The following NWD2 variants were observed in gnomAD, a reference collection of about 807,000 sequenced individuals.
NWD2 encodes NACHT and WD repeat domain containing 2, also known as NACHT and WD repeat domain-containing protein 2.
A neutral mutation model predicts 132.7 loss-of-function variants in NWD2; 37 were observed. That is an observed-to-expected ratio of 0.28 (90% CI 0.21 to 0.37). NWD2 has a LOEUF of 0.37. NWD2 is among the 10% of genes least tolerant of loss of function. The probability of loss-of-function intolerance (pLI) is 1.00; values close to 1 mark genes in which losing one functional copy is unlikely to be tolerated. For synonymous variants in NWD2, 705 were observed against 803.0 expected, an observed-to-expected ratio of 0.88 and a Z score of 2.06; for missense variants, 1,592 against 2,122.4, an observed-to-expected ratio of 0.75 and a Z score of 4.91.
chr4:37,443,423 C>T lies in NWD2; in HGVS notation c.1435C>T (p.Arg479Trp), dbSNP rs375358436. ...SVCEQLAVNYRCLVQSYPKKI... is the reference protein window; with the variant it reads ...SVCEQLAVNYWCLVQSYPKKI... ...TTGTGAACAATTGGCAGTTAACTACCGGTGTCTGGTTCAAAGCTACCCTAA... is the reference window on the plus strand; with the variant it reads ...TTGTGAACAATTGGCAGTTAACTACTGGTGTCTGGTTCAAAGCTACCCTAA... Residue 479 changes from arginine (R) to tryptophan (W), a missense_variant, in exon 7 of 7, where the codon CGG (arginine) becomes TGG (tryptophan). Around this residue, in one of 7 missense-constraint regions of NWD2, gnomAD observed 1,071 missense variants for 1,398.0 expected, o/e 0.77. Coordinates refer to ENST00000309447, the MANE Select transcript of NWD2 (RefSeq NM_001144990.2). The surrounding 1 kb of genome is among the most constrained non-coding windows in gnomAD (Gnocchi z 4.1). The T allele has an allele frequency of 8.4e-6, 13 of 1,552,062 alleles. No individual in the cohort carries two copies. Among genetic ancestry groups the T allele is most frequent in the South Asian group, 4.8e-5 (4 of 84,068 alleles).
chr4:37,405,429 T>C (rs1232901797), intron 3 of NWD2, among the ~76,000 whole-genome samples: 1 of 22,166 alleles, frequency 4.5e-5, no homozygotes, highest in Non-Finnish European at 1.1e-4. Flanking sequence ...TGTAATAGAA[T>C]AGAATAGAAT....
chr4:37,299,064 A>G (rs1281406979), intron 1 of NWD2, among the ~76,000 whole-genome samples: 2 of 152,020 alleles, frequency 1.3e-5, no homozygotes, highest in East Asian at 1.9e-4. Flanking sequence ...TTATCACTCA[A>G]TTTCTCTTCA....
At chr4:37,442,771 C>CT (rs1418140548) in intron 6 of NWD2, among the ~76,000 whole-genome samples, 1 of 151,844 alleles carries the variant, frequency 6.6e-6, no homozygotes, top group Non-Finnish European at 1.5e-5. Context: ...ATTTTTATTG[C>CT]TTTCTAATTA....
intron 3 of NWD2, among the ~76,000 whole-genome samples, chr4:37,416,928 A>T (rs1003018267): frequency 1.3e-5 from 2 of 151,622 alleles, no homozygotes; most frequent in Non-Finnish European, 1.5e-5. Context: ...GATACAATGG[A>T]CTTTGGGAAC....
chr4:37,429,467 A>G (rs1275541313), intron 3 of NWD2, among the ~76,000 whole-genome samples: 4 of 152,008 alleles, frequency 2.6e-5, no homozygotes, highest in Non-Finnish European at 5.9e-5. Context: ...GTCACATGCC[A>G]CCATGCCTGG....
intron 1 of NWD2, among the ~76,000 whole-genome samples, chr4:37,277,824 A>G (rs1718052918): frequency 1.3e-5 from 2 of 152,142 alleles, no homozygotes; most frequent in African/African-American, 4.8e-5. Flanking sequence ...ACATATTGTA[A>G]TAGTTCTGTA....
chr4:37,379,969 C>G (rs16993492), intron 3 of NWD2, among the ~76,000 whole-genome samples: 2 of 152,130 alleles, frequency 1.3e-5, no homozygotes, highest in African/African-American at 4.8e-5. Context: ...TGGAAACAAC[C>G]GAAAAGTAAA....
chr4:37,360,590 G>A (rs1218267791), intron 3 of NWD2, among the ~76,000 whole-genome samples: 1 of 152,188 alleles, frequency 6.6e-6, no homozygotes, highest in African/African-American at 2.4e-5. Context: ...TCACAGCTGA[G>A]TAACAAAATC....
At position 37,444,127 on chromosome 4, in the gene NWD2, G is replaced by C. The variant is rs570435418; in HGVS notation, c.2139G>C (p.Glu713Asp). Residue 713 changes from glutamate (E) to aspartate (D), a missense_variant, in exon 7 of 7, where the codon GAG (glutamate) becomes GAC (aspartate). By Grantham distance (45) the Glu-to-Asp change is conservative (BLOSUM62 2). Coordinates refer to ENST00000309447, the MANE Select transcript of NWD2 (RefSeq NM_001144990.2). The surrounding 1 kb of genome is among the most constrained non-coding windows in gnomAD (Gnocchi z 4.8). ...VPYLYIARLK[E>D]GLSGYLIERH... Reference sequence around the variant, plus strand: ...ACTTGTACATTGCAAGGCTCAAGGAGGGTCTCAGTGGATACCTAATAGAAA... The same window carrying C: ...ACTTGTACATTGCAAGGCTCAAGGACGGTCTCAGTGGATACCTAATAGAAA... The C allele has an allele frequency of 5.8e-6, 9 of 1,551,774 alleles. No homozygotes were observed. Among genetic ancestry groups the C allele is most frequent in the Middle Eastern group, 1.7e-4 (1 of 5,996 alleles).
rs764442079 is a variant in NWD2 at position 37,446,996 on chromosome 4, A to G, written c.5008A>G (p.Thr1670Ala). The change falls in exon 7 of 7, where the codon ACA becomes GCA. Residue 1670 changes from threonine (T) to alanine (A), a missense_variant. Thr to Ala is a moderately conservative substitution (Grantham distance 58, BLOSUM62 0). Transcript: ENST00000309447. The surrounding 1 kb of genome is among the most constrained non-coding windows in gnomAD (Gnocchi z 6.7). ...TAGCAGACAAATTTTCAACAATGCA[A>G]CACACACCTCCAGGCCAAAGTGTAA... ...SNSRQIFNNA[T>A]HTSRPKCNSY... The G allele has an allele frequency of 2.6e-6, 4 of 1,551,608 alleles. No homozygotes were observed. In the African/African-American group the frequency reaches 5.5e-5, roughly 21 times the overall value.
intron 2 of NWD2, among the ~76,000 whole-genome samples, chr4:37,343,573 C>T (rs192335892): frequency 1.5e-4 from 23 of 152,218 alleles, no homozygotes; most frequent in Admixed American, 1.5e-3. Flanking sequence ...ATTGTAATAC[C>T]TTTGAAGAAT....
chr4:37,316,650 TG>T (rs1407998172), intron 1 of NWD2, among the ~76,000 whole-genome samples: 1 of 152,178 alleles, frequency 6.6e-6, no homozygotes, highest in Non-Finnish European at 1.5e-5. Context: ...TCTTGGGGCT[TG>T]GTTCATTTTC....
intron 3 of NWD2, among the ~76,000 whole-genome samples, chr4:37,380,657 T>C (rs1340596375): frequency 1.3e-5 from 2 of 152,230 alleles, no homozygotes; most frequent in Non-Finnish European, 2.9e-5. Flanking sequence ...ATGAATAGTC[T>C]ACATTATCTC....
At position 37,446,734 on chromosome 4, in the gene NWD2, T is replaced by C. The variant is rs1712647559; in HGVS notation, c.4746T>C (p.Ile1582=). ...LSRDGRYLVY[I]CFRNGEEEDE... ...GGGATGGTCGCTACCTGGTATACATTTGTTTCCGAAATGGGGAGGAGGAGG... is the reference window on the plus strand; with the variant it reads ...GGGATGGTCGCTACCTGGTATACATCTGTTTCCGAAATGGGGAGGAGGAGG... Residue 1582 remains isoleucine (I), a synonymous_variant, in exon 7 of 7, where the codon ATT becomes ATC. Coordinates refer to ENST00000309447, the MANE Select transcript of NWD2 (RefSeq NM_001144990.2). The surrounding 1 kb of genome is among the most constrained non-coding windows in gnomAD (Gnocchi z 6.7). The C allele has an allele frequency of 6.4e-7, 1 of 1,551,568 alleles. No individual in the cohort carries two copies. The highest frequency in any genetic ancestry group is 2.0e-5 in the Admixed American group (1 of 50,986).
At chr4:37,272,985 G>C (rs1449894827) in intron 1 of NWD2, among the ~76,000 whole-genome samples, 1 of 151,708 alleles carries the variant, frequency 6.6e-6, no homozygotes, top group Non-Finnish European at 1.5e-5. Context: ...AGGTTGAGTT[G>C]GTTGCTCAGG....
At chr4:37,357,979 G>A (rs942227577) in intron 3 of NWD2, among the ~76,000 whole-genome samples, 1 of 152,152 alleles carries the variant, frequency 6.6e-6, no homozygotes, top group Non-Finnish European at 1.5e-5. Context: ...TCTGTGCCTA[G>A]AACAAGTATG....
At chr4:37,311,930 G>C (rs969938198) in intron 1 of NWD2, among the ~76,000 whole-genome samples, 4 of 151,656 alleles carry the variant, frequency 2.6e-5, no homozygotes, top group African/African-American at 9.8e-5. Flanking sequence ...TCAAAGATCA[G>C]ATAGTTGTAG....
At chr4:37,353,474 G>C (rs1477528613) in intron 2 of NWD2, among the ~76,000 whole-genome samples, 2 of 152,110 alleles carry the variant, frequency 1.3e-5, no homozygotes, top group African/African-American at 4.8e-5. Context: ...TCACTTTTCA[G>C]ATACACCAAT....
intron 1 of NWD2, among the ~76,000 whole-genome samples, chr4:37,264,725 T>C (rs1336294443): frequency 6.6e-6 from 1 of 152,182 alleles, no homozygotes; most frequent in Admixed American, 6.5e-5. Flanking sequence ...TCTAGCCCTT[T>C]TTTATTAATG....
Sources: gnomAD v4.1 joint callset for allele counts (sites outside exome capture counted in the v4.1 genomes callset) on GRCh38, gnomAD v4.1.1 for gene constraint, gnomAD v4.1.1 regional missense constraint, Gnocchi (gnomAD v3.1) non-coding constraint, MANE v1.5 for transcripts, NCBI Gene and HGNC (gene_info 2026-07-23, HGNC 2026-07-21) for gene names.